ICA1: variants seen among roughly 807,000 people sequenced by gnomAD.
ICA1 encodes the protein islet cell autoantigen 1.
Under a neutral mutation model 71.0 loss-of-function variants are expected in ICA1, and 40 were observed. The observed-to-expected ratio is 0.56, with a 90% CI of 0.44 to 0.73. The LOEUF is 0.73. ICA1 is among the 30% of genes least tolerant of loss of function. The pLI, the probability that ICA1 is intolerant of heterozygous loss-of-function variation, is 0.00. For missense variants in ICA1, 578 were observed against 576.5 expected, an observed-to-expected ratio of 1.00 and a Z score of -0.03; for synonymous variants, 207 against 209.5, an observed-to-expected ratio of 0.99 and a Z score of 0.10.
Position 8,195,345 on chromosome 7 carries a change from G to A in ICA1, c.579+22960C>T, listed in dbSNP as rs145621331. On this transcript the variant is annotated intron_variant, in intron 6 of 13. Transcript: ENST00000402384. The stretch of plus-strand genomic sequence containing the variant: ...CTCTTGAGGTCAGGAGTTCGAGACC[G>A]GCCTGGCCATCATGGTGAAACCCTG... Among the ~76,000 whole-genome samples the A allele has an allele frequency of 6.6e-3, 1,002 of 151,666 alleles. 5 individuals are homozygous for A. The highest frequency in any genetic ancestry group is 0.01 in the Non-Finnish European group (682 of 67,848).
intron 12 of ICA1, among the ~76,000 whole-genome samples, chr7:8,128,455 G>C (rs1562551561): frequency 6.6e-6 from 1 of 152,166 alleles, no homozygotes; most frequent in East Asian, 1.9e-4. Context: ...ACAAGGCCAA[G>C]ATTGAAAACA....
At chr7:8,219,919 C>A (rs1308956556) in intron 5 of ICA1, among the ~76,000 whole-genome samples, 1 of 152,150 alleles carries the variant, frequency 6.6e-6, no homozygotes, top group African/African-American at 2.4e-5. Context: ...TAACACATGA[C>A]AACTTACTCT....
At chr7:8,115,749 T>C (rs1784593180) in intron 13 of ICA1, among the ~76,000 whole-genome samples, 1 of 152,248 alleles carries the variant, frequency 6.6e-6, no homozygotes, top group Non-Finnish European at 1.5e-5. Flanking sequence ...GAGCTAGAGC[T>C]GCAAACACAG....
chr7:8,177,280 G>A (rs562167162), intron 6 of ICA1, among the ~76,000 whole-genome samples: 7 of 152,074 alleles, frequency 4.6e-5, no homozygotes, highest in Non-Finnish European at 1.0e-4. Flanking sequence ...AATTTGGTCA[G>A]TTTTTACATT....
chr7:8,169,993 T>C (rs1807693480), intron 6 of ICA1, among the ~76,000 whole-genome samples: 1 of 151,680 alleles, frequency 6.6e-6, no homozygotes, highest in African/African-American at 2.4e-5. Context: ...CACTTTTTCT[T>C]CTAGAAATGT....
chr7:8,164,309 A>C (rs1409307834), intron 6 of ICA1, among the ~76,000 whole-genome samples: 1 of 118,720 alleles, frequency 8.4e-6, no homozygotes, highest in Non-Finnish European at 1.9e-5. Context: ...GTCTCAAAAA[A>C]AAAAAAAAAA....
intron 8 of ICA1, among the ~76,000 whole-genome samples, chr7:8,149,232 G>A (rs1023425115): frequency 6.6e-6 from 1 of 152,164 alleles, no homozygotes; most frequent in Non-Finnish European, 1.5e-5. Flanking sequence ...AAAACGTTCT[G>A]TTTCTAAACC....
At chr7:8,248,156 C>G (rs1160966950) in intron 1 of ICA1, among the ~76,000 whole-genome samples, 2 of 152,152 alleles carry the variant, frequency 1.3e-5, no homozygotes, top group African/African-American at 4.8e-5. Context: ...ATTAACTTTA[C>G]AACTTTAGTG....
chr7:8,221,291 A>G lies in ICA1; in HGVS notation c.364T>C (p.Phe122Leu). Residue 122 changes from phenylalanine (F) to leucine (L), a missense_variant, in exon 5 of 14, where the codon TTT becomes CTT. Phe to Leu is a conservative substitution (Grantham distance 22, BLOSUM62 0). Coordinates refer to ENST00000402384, the MANE Select transcript of ICA1 (RefSeq NM_001136020.3). ...GCCACACACCTTTGCTGGGAAGAAA[A>G]GCAGAGGGCCTTTCCTGTCGCTTGC... ...MMQATGKALC[F>L]SSQQRLALRN... 1.2e-6 allele frequency: 2 copies of G among 1,613,596 alleles called. No homozygotes were observed. Among genetic ancestry groups the G allele is most frequent in the Non-Finnish European group, 1.7e-6 (2 of 1,179,634 alleles).
At chr7:8,187,199 A>G (rs113098680) in intron 6 of ICA1, among the ~76,000 whole-genome samples, 1 of 152,142 alleles carries the variant, frequency 6.6e-6, no homozygotes, top group Non-Finnish European at 1.5e-5. Context: ...TTACACACCT[A>G]TACTTTTTTA....
rs544631152 is a variant in ICA1 at position 8,141,438 on chromosome 7, G to C, written c.955+327C>G. Among the ~76,000 whole-genome samples the C allele has an allele frequency of 2.0e-5, 3 of 152,326 alleles. No homozygotes were observed. In the South Asian group the frequency reaches 6.2e-4, roughly 32 times the overall value. ...ATCTTATGAAAACTAGAACCAGTCA[G>C]GGTCACAGCAGAAATCTTATAATCC... On this transcript the variant is annotated intron_variant, in intron 10 of 13. Transcript: ENST00000402384.
chr7:8,179,931 C>A (rs1404828275), intron 6 of ICA1, among the ~76,000 whole-genome samples: 1 of 152,060 alleles, frequency 6.6e-6, no homozygotes, highest in Non-Finnish European at 1.5e-5. Flanking sequence ...CTAAAACTCA[C>A]TTTATTCTAT....
intron 8 of ICA1, among the ~76,000 whole-genome samples, chr7:8,154,541 A>C (rs770755957): frequency 2.0e-5 from 3 of 152,158 alleles, no homozygotes; most frequent in Non-Finnish European, 4.4e-5. Context: ...TCTAAAGACA[A>C]TGTTTTCTTT....
intron 6 of ICA1, among the ~76,000 whole-genome samples, chr7:8,194,074 A>T (rs1434673042): frequency 6.6e-6 from 1 of 152,186 alleles, no homozygotes; most frequent in Non-Finnish European, 1.5e-5. Flanking sequence ...ATTTTTTAAA[A>T]TCTCTGCCCC....
intron 6 of ICA1, among the ~76,000 whole-genome samples, chr7:8,217,741 T>C (rs1795846981): frequency 6.6e-6 from 1 of 152,206 alleles, no homozygotes; most frequent in Non-Finnish European, 1.5e-5. Context: ...AAGATTGTTC[T>C]TTACTGCTCA....
intron 12 of ICA1, among the ~76,000 whole-genome samples, chr7:8,129,247 G>C (rs975607246): frequency 4.6e-5 from 7 of 151,934 alleles, no homozygotes; most frequent in African/African-American, 1.7e-4. Context: ...AATTCACAAA[G>C]AGAAGAAAAA....
rs1797321203 is a variant in ICA1 at position 8,222,186 on chromosome 7, A to G, written c.257-788T>C. Among the ~76,000 whole-genome samples the G allele has an allele frequency of 6.6e-6, 1 of 152,166 alleles. No homozygotes were observed. The highest frequency in any genetic ancestry group is 1.9e-4 in the East Asian group (1 of 5,188). ...TGGGCACAAAGATGTAAATGCAAAAACAATCATAGCATCATTATTTATAAT... is the reference window on the plus strand; with the variant it reads ...TGGGCACAAAGATGTAAATGCAAAAGCAATCATAGCATCATTATTTATAAT... On this transcript the variant is annotated intron_variant, in intron 4 of 13. Transcript: ENST00000402384. This position sits in a 1 kb window ranked among gnomAD's most constrained non-coding sequence, Gnocchi z 4.8.
intron 1 of ICA1, among the ~76,000 whole-genome samples, chr7:8,237,095 A>C (rs1289671095): frequency 6.6e-6 from 1 of 152,344 alleles, no homozygotes; most frequent in East Asian, 1.9e-4. Flanking sequence ...GGAAGAAGAG[A>C]ATTTCCAGAG....
intron 12 of ICA1, among the ~76,000 whole-genome samples, chr7:8,131,425 A>T (rs1327722101): frequency 6.6e-6 from 1 of 152,224 alleles, no homozygotes; most frequent in Non-Finnish European, 1.5e-5. Context: ...AGTGACAGAA[A>T]AGAGAAAAGG....
Sources: gnomAD v4.1 joint callset for allele counts (sites outside exome capture counted in the v4.1 genomes callset) on GRCh38, gnomAD v4.1.1 for gene constraint, Gnocchi (gnomAD v3.1) non-coding constraint, MANE v1.5 for transcripts, NCBI Gene and HGNC (gene_info 2026-07-23, HGNC 2026-07-21) for gene names.